Variants in RUNDC3B observed in about 807,000 individuals in gnomAD.
RUNDC3B encodes RUN domain containing 3B.
In RUNDC3B, 33 loss-of-function variants were observed where a neutral mutation model predicts 58.4. That is an observed-to-expected ratio of 0.56 (90% CI 0.43 to 0.75). The LOEUF (loss-of-function observed/expected upper bound fraction) is 0.75, where lower values mean the gene tolerates loss of function less well. RUNDC3B is among the 30% of genes least tolerant of loss of function. The pLI, the probability that RUNDC3B is intolerant of heterozygous loss-of-function variation, is 0.00. For synonymous variants in RUNDC3B, 193 were observed against 195.2 expected (o/e 0.99, Z 0.10); for missense variants, 501 against 535.7 (o/e 0.94, Z 0.64).
intron 2 of RUNDC3B, among the ~76,000 whole-genome samples, chr7:87,690,097 C>T (rs774951038): frequency 1.3e-4 from 19 of 151,756 alleles, no homozygotes; most frequent in Non-Finnish European, 2.2e-4. Context: ...CCTAAAGGGC[C>T]GGGAATACAG....
chr7:87,773,588 C>A (rs1200651535), intron 7 of RUNDC3B, among the ~76,000 whole-genome samples: 1 of 151,996 alleles, frequency 6.6e-6, no homozygotes, highest in Non-Finnish European at 1.5e-5. Context: ...GAACATATAA[C>A]CTTTTCAAGC....
chr7:87,799,360 T>G (rs190705154), intron 8 of RUNDC3B, among the ~76,000 whole-genome samples: 243 of 152,308 alleles, frequency 1.6e-3, no homozygotes, highest in African/African-American at 5.7e-3. Flanking sequence ...GTTTTCCTGC[T>G]TTTCCTAAGG....
chr7:87,818,806 C>A (rs769778071), intron 10 of RUNDC3B, among the ~76,000 whole-genome samples: 1 of 152,090 alleles, frequency 6.6e-6, no homozygotes. Context: ...ATAAAGTCAA[C>A]CCTAAGTGTG....
chr7:87,751,491 G>A (rs954182119), intron 6 of RUNDC3B, among the ~76,000 whole-genome samples: 14 of 152,088 alleles, frequency 9.2e-5, no homozygotes, highest in Admixed American at 9.2e-4. Context: ...TTTTCACGAT[G>A]TTGATTCTTC....
intron 9 of RUNDC3B, among the ~76,000 whole-genome samples, chr7:87,811,948 C>CAT (rs1349801628): frequency 6.6e-6 from 1 of 152,198 alleles, no homozygotes; most frequent in Non-Finnish European, 1.5e-5. Flanking sequence ...GATGTACATT[C>CAT]ATGTGCTTCT....
chr7:87,749,293 C>T (rs989717539), intron 6 of RUNDC3B, among the ~76,000 whole-genome samples: 2 of 152,188 alleles, frequency 1.3e-5, no homozygotes, highest in African/African-American at 4.8e-5. Flanking sequence ...GGAACTTTCT[C>T]ATGATGTACC....
intron 8 of RUNDC3B, among the ~76,000 whole-genome samples, chr7:87,787,935 G>A (rs1451688461): frequency 6.6e-6 from 1 of 152,130 alleles, no homozygotes; most frequent in Non-Finnish European, 1.5e-5. Context: ...ACTCACTTTT[G>A]AGTTCTGATT....
chr7:87,651,968 G>A (rs767189849), intron 2 of RUNDC3B, among the ~76,000 whole-genome samples: 4 of 151,950 alleles, frequency 2.6e-5, no homozygotes, highest in Admixed American at 6.6e-5. Flanking sequence ...CCTTTTTGCT[G>A]TTCTGTGTTT....
chr7:87,758,771 C>T (rs917344874), intron 6 of RUNDC3B, among the ~76,000 whole-genome samples: 7 of 152,098 alleles, frequency 4.6e-5, no homozygotes, highest in African/African-American at 1.7e-4. Context: ...ATCAAAACTA[C>T]AATGAGATAT....
intron 3 of RUNDC3B, among the ~76,000 whole-genome samples, chr7:87,703,171 A>G (rs567841072): frequency 1.6e-4 from 25 of 152,324 alleles, no homozygotes; most frequent in Admixed American, 1.2e-3. Context: ...TTATGTGTCT[A>G]TGTAATAACC....
intron 2 of RUNDC3B, among the ~76,000 whole-genome samples, chr7:87,692,528 A>G (rs1828109270): frequency 6.6e-6 from 1 of 152,288 alleles, no homozygotes; most frequent in East Asian, 1.9e-4. Flanking sequence ...CCCACCTTAT[A>G]TAAGGGGTTG....
rs528358991 is a variant in RUNDC3B at position 87,750,388 on chromosome 7, A to G, written c.629+8809A>G. Among the ~76,000 whole-genome samples, 98 of 151,386 alleles carry G rather than the reference A, an allele frequency of 6.5e-4. 1 individual carries two copies. In the East Asian group the frequency reaches 0.017, roughly 26 times the overall value. On this transcript the variant is annotated intron_variant, in intron 6 of 10. Transcript: ENST00000394654. ...GCATGATTTATAGTCCTTTGGGTAT[A>G]TACCCAGTAATGGGATGGCTGGGTC...
intron 2 of RUNDC3B, among the ~76,000 whole-genome samples, chr7:87,684,038 T>C (rs1157979158): frequency 2.0e-5 from 3 of 152,090 alleles, no homozygotes; most frequent in African/African-American, 7.2e-5. Flanking sequence ...AGAATAAAAA[T>C]GATAGGATCC....
intron 3 of RUNDC3B, among the ~76,000 whole-genome samples, chr7:87,705,820 T>C (rs1334056669): frequency 6.6e-6 from 1 of 152,200 alleles, no homozygotes; most frequent in South Asian, 2.1e-4. Flanking sequence ...CCACTCCCAA[T>C]TGAATCTTTA....
chr7:87,806,616 CT>C (rs1399688455), intron 8 of RUNDC3B, among the ~76,000 whole-genome samples: 1 of 152,080 alleles, frequency 6.6e-6, no homozygotes, highest in Non-Finnish European at 1.5e-5. Context: ...TTTTTGAAGT[CT>C]GAAATTTTGG....
At chr7:87,654,835 T>C (rs1051115512) in intron 2 of RUNDC3B, among the ~76,000 whole-genome samples, 4 of 152,014 alleles carry the variant, frequency 2.6e-5, no homozygotes, top group African/African-American at 9.7e-5. Context: ...CCAAAATATA[T>C]GAGGAACTCA....
At chr7:87,659,695 TA>T (rs1462387841) in intron 2 of RUNDC3B, among the ~76,000 whole-genome samples, 1 of 152,132 alleles carries the variant, frequency 6.6e-6, no homozygotes, top group East Asian at 1.9e-4. Flanking sequence ...GTATAAGAGG[TA>T]AAAAGAAACC....
intron 9 of RUNDC3B, among the ~76,000 whole-genome samples, chr7:87,811,679 T>C (rs536050205): frequency 1.3e-5 from 2 of 152,170 alleles, no homozygotes; most frequent in Non-Finnish European, 2.9e-5. Context: ...TCACTTCATA[T>C]GTATTCACAG....
At chr7:87,758,572 T>G (rs1833501449) in intron 6 of RUNDC3B, among the ~76,000 whole-genome samples, 1 of 152,170 alleles carries the variant, frequency 6.6e-6, no homozygotes, top group Non-Finnish European at 1.5e-5. Context: ...TTGCAAGCTA[T>G]TCATCTGACA....
Sources: allele counts gnomAD v4.1 joint callset (sites outside exome capture counted in the v4.1 genomes callset), GRCh38; gene constraint gnomAD v4.1.1; transcripts MANE v1.5; gene names NCBI Gene and HGNC (gene_info 2026-07-23, HGNC 2026-07-21).